Variants in NPEPPS observed in about 807,000 individuals in gnomAD.
NPEPPS encodes the protein aminopeptidase puromycin sensitive.
In NPEPPS, 14 loss-of-function variants were observed where a neutral mutation model predicts 115.5. The observed-to-expected ratio is 0.12, with a 90% confidence interval of 0.08 to 0.19. The LOEUF is 0.19. Ranked by LOEUF, NPEPPS falls within the 10% of genes least tolerant of loss-of-function variation. The pLI, the probability that NPEPPS is intolerant of heterozygous loss-of-function variation, is 1.00. For missense variants in NPEPPS, 523 were observed against 1,110.8 expected, an observed-to-expected ratio of 0.47 and a Z score of 7.52; for synonymous variants, 285 against 390.6, an observed-to-expected ratio of 0.73 and a Z score of 3.19.
chr17:47,539,409 T>G (rs1409713131), intron 1 of NPEPPS, among the ~76,000 whole-genome samples: 1 of 152,200 alleles, frequency 6.6e-6, no homozygotes, highest in Non-Finnish European at 1.5e-5. Context: ...ACTTGTAATC[T>G]CTTTAAAATT....
chr17:47,552,012 A>G (rs957673002), intron 2 of NPEPPS, among the ~76,000 whole-genome samples: 1 of 108,762 alleles, frequency 9.2e-6, no homozygotes, highest in African/African-American at 3.2e-5. Flanking sequence ...TTTCTCTGTC[A>G]TCCAGGCTGG....
upstream of NPEPPS, among the ~76,000 whole-genome samples, chr17:47,527,341 G>C (rs576829157): frequency 6.8e-6 from 1 of 147,904 alleles, no homozygotes; most frequent in Non-Finnish European, 1.5e-5. Flanking sequence ...AAAAATTAAC[G>C]GGTGTGGTGG....
Position 47,531,529 on chromosome 17 carries a change from G to A in NPEPPS, c.229G>A (p.Glu77Lys). 6.2e-7 allele frequency: 1 copy of A among 1,607,934 alleles called. No individual in the cohort carries two copies. The highest frequency in any genetic ancestry group is 8.5e-7 in the Non-Finnish European group (1 of 1,178,282). ...LKPDLLDFTF[E>K]GKLEAAAQVR... is the part of the protein sequence containing the mutation. ...GCCCGACTTGCTGGACTTCACCTTC[G>A]AGGGCAAGCTGGAGGCCGCCGCCCA... is the stretch of plus-strand genomic sequence containing the variant. The change falls in exon 1 of 23, where the codon GAG (glutamate) becomes AAG (lysine). Residue 77 changes from glutamate (E) to lysine (K), a missense_variant. This residue lies in a region of NPEPPS where 144 missense variants were observed against 512.4 expected (regional missense o/e 0.28). Coordinates refer to ENST00000322157, the MANE Select transcript of NPEPPS (RefSeq NM_006310.4).
chr17:47,603,463 T>G (rs1212792018), intron 15 of NPEPPS: 1 of 152,444 alleles, frequency 6.6e-6, no homozygotes, highest in African/African-American at 2.4e-5. Context: ...GCCAAAAATC[T>G]TATGAAATTG....
chr17:47,615,107 C>A (rs1914124157), intron 19 of NPEPPS, among the ~76,000 whole-genome samples: 1 of 126,534 alleles, frequency 7.9e-6, no homozygotes, highest in Non-Finnish European at 1.6e-5. Flanking sequence ...GAGACGGAGT[C>A]TCACTCTGTC....
chr17:47,563,334 G>C (rs1306056074), intron 2 of NPEPPS, among the ~76,000 whole-genome samples: 1 of 151,934 alleles, frequency 6.6e-6, no homozygotes, highest in African/African-American at 2.4e-5. Flanking sequence ...GCCCAGCCTG[G>C]TCATGGTTTT....
intron 5 of NPEPPS, among the ~76,000 whole-genome samples, chr17:47,584,227 A>G (rs536485307): frequency 0.013 from 1,874 of 145,944 alleles, 42 homozygotes; most frequent in African/African-American, 0.041. Flanking sequence ...TCTCGGGGGA[A>G]AAAAAAAAAA....
At chr17:47,602,035 C>G (rs959471392) in intron 15 of NPEPPS, 5 of 306,262 alleles carry the variant, frequency 1.6e-5, no homozygotes, top group African/African-American at 1.1e-4. Context: ...AGTCTCACAC[C>G]TTCAAACTCC....
chr17:47,612,507 A>G lies in NPEPPS; in HGVS notation c.2143A>G (p.Lys715Glu), dbSNP rs1913934328. 6.2e-7 allele frequency: 1 copy of G among 1,613,950 alleles called. No individual in the cohort carries two copies. The highest frequency in any genetic ancestry group is 8.5e-7 in the Non-Finnish European group (1 of 1,179,878). ...LRGLVLGKLGKAGHKATLEEA... is the reference protein window; with the variant it reads ...LRGLVLGKLGEAGHKATLEEA... ...GGGCTTGGTTCTGGGAAAACTAGGA[A>G]AAGCAGGACATAAGGCAACGTTAGA... is the stretch of plus-strand genomic sequence containing the variant. The change falls in exon 18 of 23, where the codon AAA (lysine) becomes GAA (glutamate). Residue 715 changes from lysine (K) to glutamate (E), a missense_variant. This residue lies in a region of NPEPPS where 372 missense variants were observed against 542.6 expected (regional missense o/e 0.69). Transcript: ENST00000322157.
In NPEPPS at chr17:47,531,390, C is replaced by T. The variant is rs1907752997; in HGVS notation, c.90C>T (p.Ser30=). ...CTCCCCTCCTCCTTCTCGTCTTCAG[C>T]CGCTCCTCTCGCCGCCGCCTCCACA... ...PPPPLLLLVF[S]RSSRRRLHSL... The change falls in exon 1 of 23, where the codon AGC becomes AGT. Residue 30 remains serine, a synonymous_variant. Coordinates refer to ENST00000322157, the MANE Select transcript of NPEPPS (RefSeq NM_006310.4). The T allele has an allele frequency of 6.5e-7, 1 of 1,545,026 alleles. No individual in the cohort carries two copies. Among genetic ancestry groups the T allele is most frequent in the African/African-American group, 1.4e-5 (1 of 72,634 alleles).
At chr17:47,546,410 A>C (rs1174728158) in intron 2 of NPEPPS, among the ~76,000 whole-genome samples, 1 of 152,184 alleles carries the variant, frequency 6.6e-6, no homozygotes, top group Non-Finnish European at 1.5e-5. Flanking sequence ...TGTGCGACAG[A>C]GTGAGACCCT....
chr17:47,588,006 T>G (rs1912294284), intron 9 of NPEPPS, among the ~76,000 whole-genome samples: 1 of 151,468 alleles, frequency 6.6e-6, no homozygotes, highest in Admixed American at 6.6e-5. Flanking sequence ...GCACAGGATT[T>G]AATAAGTGAA....
chr17:47,559,861 G>A (rs1356353233), intron 2 of NPEPPS, among the ~76,000 whole-genome samples: 2 of 151,870 alleles, frequency 1.3e-5, no homozygotes, highest in African/African-American at 2.4e-5. Context: ...CTTCCACCTC[G>A]CCTCCCAAAA....
intron 21 of NPEPPS, 75 bp downstream of exon 21, chr17:47,619,239 C>A: frequency 1.5e-6 from 2 of 1,368,698 alleles, no homozygotes; most frequent in Non-Finnish European, 1.0e-6. Context: ...TACACCCATA[C>A]ATTGTGGTCT....
intron 5 of NPEPPS, among the ~76,000 whole-genome samples, chr17:47,583,985 CT>C (rs1912039371): frequency 1.3e-5 from 2 of 150,802 alleles, no homozygotes; most frequent in Admixed American, 6.6e-5. Flanking sequence ...CTTCAGGAGG[CT>C]GAGGCAGGTG....
intron 19 of NPEPPS, among the ~76,000 whole-genome samples, chr17:47,614,580 A>G (rs1240845819): frequency 6.6e-6 from 1 of 152,220 alleles, no homozygotes; most frequent in Non-Finnish European, 1.5e-5. Context: ...TAGACAAAAT[A>G]TAGATAAAAC....
intron 15 of NPEPPS, 175 bp from the exon 16 acceptor site, chr17:47,603,738 CTG>C (rs1420933090): frequency 2.1e-6 from 1 of 465,492 alleles, no homozygotes; most frequent in African/African-American, 2.0e-5. Flanking sequence ...TTTCTTTTGT[CTG>C]TGCATTCATT....
intron 14 of NPEPPS, among the ~76,000 whole-genome samples, chr17:47,601,196 C>G (rs921487336): frequency 6.6e-6 from 1 of 151,958 alleles, no homozygotes; most frequent in African/African-American, 2.4e-5. Context: ...GATCACGCCA[C>G]CGCACTCCAG....
intron 15 of NPEPPS, 123 bp downstream of exon 15, chr17:47,601,870 C>A (rs1597880177): frequency 2.0e-6 from 2 of 1,004,054 alleles, no homozygotes; most frequent in Non-Finnish European, 2.9e-6. Flanking sequence ...CTTTGTGAAA[C>A]TTAGGACGAA....
Sources: allele counts gnomAD v4.1 joint callset (sites outside exome capture counted in the v4.1 genomes callset), GRCh38; gene constraint gnomAD v4.1.1; regional missense constraint gnomAD v4.1.1; transcripts MANE v1.5; gene names NCBI Gene and HGNC (gene_info 2026-07-23, HGNC 2026-07-21).